The following INPP4B variants were observed in gnomAD, a reference collection of about 807,000 sequenced individuals.
The protein encoded by INPP4B is inositol polyphosphate-4-phosphatase type II B.
Under a neutral mutation model 122.5 loss-of-function variants are expected in INPP4B, and 55 were observed. That is an observed-to-expected ratio of 0.45 (90% CI 0.36 to 0.56). The LOEUF is 0.56. Among genes scored for constraint, INPP4B ranks in the 20% least tolerant of loss-of-function variants. The pLI is 0.00. For synonymous variants in INPP4B, 403 were observed against 388.7 expected (o/e 1.04, Z -0.43); for missense variants, 1,000 against 1,097.7 (o/e 0.91, Z 1.26).
rs1829896220 is a variant in INPP4B, at chr4:142,179,570, A to AAAAAT, written c.1182-5762_1182-5761insATTTT. 4.6e-5 allele frequency among the ~76,000 whole-genome samples: 7 copies of AAAAAT among 152,132 alleles called. No homozygotes were observed. In the South Asian group the frequency reaches 1.0e-3, roughly 23 times the overall value. ...CCATTTATTAGCTCTGTGAAAAAAA[A>AAAAAT]AACATTCATTTTTGCTGAAAATTCC... On this transcript the variant is annotated intron_variant, in intron 15 of 25. Transcript: ENST00000262992.
intron 2 of INPP4B, among the ~76,000 whole-genome samples, chr4:142,637,987 A>T (rs1041043458): frequency 3.9e-5 from 6 of 152,188 alleles, no homozygotes; most frequent in Non-Finnish European, 1.5e-5. Flanking sequence ...TGCCATCTAT[A>T]TATCTTCTTT....
At chr4:142,086,797 A>G (rs1471234954) in intron 23 of INPP4B, among the ~76,000 whole-genome samples, 1 of 152,202 alleles carries the variant, frequency 6.6e-6, no homozygotes, top group East Asian at 1.9e-4. Flanking sequence ...CTATGGTAAT[A>G]TCAAGTGGTC....
intron 7 of INPP4B, among the ~76,000 whole-genome samples, chr4:142,380,628 T>C (rs76575880): frequency 0.024 from 3,643 of 152,248 alleles, 146 homozygotes; most frequent in African/African-American, 0.084. Context: ...TCAGAAAGGC[T>C]ATTAACATAA....
intron 9 of INPP4B, among the ~76,000 whole-genome samples, chr4:142,282,773 C>A (rs182688516): frequency 2.6e-5 from 4 of 152,142 alleles, no homozygotes; most frequent in Admixed American, 2.6e-4. Flanking sequence ...GTTATCCCAG[C>A]CACCTGTGTA....
chr4:142,607,625 A>G (rs183996256), intron 2 of INPP4B, among the ~76,000 whole-genome samples: 186 of 152,260 alleles, frequency 1.2e-3, no homozygotes, highest in African/African-American at 4.3e-3. Context: ...TGTACAAAAC[A>G]AGTTTAAAAT....
intron 7 of INPP4B, 125 bp downstream of exon 7, chr4:142,402,813 A>G (rs1802077465): frequency 1.5e-6 from 1 of 646,454 alleles, no homozygotes; most frequent in Non-Finnish European, 2.8e-6. Flanking sequence ...AACAAACGAT[A>G]AACATAAGAC....
At chr4:142,498,848 G>A (rs987110330) in intron 2 of INPP4B, among the ~76,000 whole-genome samples, 2 of 151,916 alleles carry the variant, frequency 1.3e-5, no homozygotes, top group East Asian at 3.9e-4. Flanking sequence ...ATAATTAATT[G>A]ATTAAAAAAT....
chr4:142,600,455 C>G (rs1285377195), intron 2 of INPP4B, among the ~76,000 whole-genome samples: 3 of 152,142 alleles, frequency 2.0e-5, no homozygotes, highest in Non-Finnish European at 4.4e-5. Flanking sequence ...ACCTGACTTA[C>G]AAGAAATGCT....
At chr4:142,099,361 C>G (rs763874141) in intron 23 of INPP4B, among the ~76,000 whole-genome samples, 1 of 151,970 alleles carries the variant, frequency 6.6e-6, no homozygotes, top group South Asian at 2.1e-4. Context: ...TCAGCCATCT[C>G]GATGTTTCCA....
At chr4:142,517,945 G>A (rs1825616804) in intron 2 of INPP4B, among the ~76,000 whole-genome samples, 1 of 152,014 alleles carries the variant, frequency 6.6e-6, no homozygotes, top group African/African-American at 2.4e-5. Context: ...TGTATGTAGA[G>A]GTAAATTACT....
At chr4:142,469,004 A>T (rs1818328903) in intron 2 of INPP4B, among the ~76,000 whole-genome samples, 1 of 152,170 alleles carries the variant, frequency 6.6e-6, no homozygotes, top group South Asian at 2.1e-4. Flanking sequence ...TGTTAAAATT[A>T]AATCTAATTT....
chr4:142,370,168 A>G (rs1789325911), intron 7 of INPP4B, among the ~76,000 whole-genome samples: 1 of 152,126 alleles, frequency 6.6e-6, no homozygotes, highest in African/African-American at 2.4e-5. Context: ...GCCAATAAAT[A>G]CTCAAACCCA....
Position 142,706,283 on chromosome 4 carries a change from G to A in INPP4B, c.-191+19556C>T, listed in dbSNP as rs1197315271. ...CCCAGAGCACAGCTACATTTGTTTGGCTGCCTGTCTCCCTTTCTGGATTTT... is the reference window on the plus strand; with the variant it reads ...CCCAGAGCACAGCTACATTTGTTTGACTGCCTGTCTCCCTTTCTGGATTTT... On this transcript the variant is annotated intron_variant, in intron 2 of 25. Coordinates refer to ENST00000262992, the MANE Select transcript of INPP4B (RefSeq NM_001101669.3). Among the ~76,000 whole-genome samples, 3 of 152,200 alleles carry A rather than the reference G, an allele frequency of 2.0e-5. No homozygotes were observed. The East Asian group carries it at 5.8e-4, about 29-fold the overall frequency.
chr4:142,273,005 G>T (rs1019284688), intron 9 of INPP4B, among the ~76,000 whole-genome samples: 3 of 151,948 alleles, frequency 2.0e-5, no homozygotes, highest in Non-Finnish European at 2.9e-5. Context: ...CAACAGAAGA[G>T]CTGTGTAATA....
intron 17 of INPP4B, among the ~76,000 whole-genome samples, chr4:142,151,481 TCCTGG>T (rs1813884569): frequency 6.6e-6 from 1 of 152,214 alleles, no homozygotes; most frequent in Admixed American, 6.5e-5. Flanking sequence ...TAAAATTCAC[TCCTGG>T]CCTTATCTGG....
At chr4:142,836,963 C>T (rs940115899) in intron 1 of INPP4B, among the ~76,000 whole-genome samples, 3 of 151,536 alleles carry the variant, frequency 2.0e-5, no homozygotes, top group Non-Finnish European at 2.9e-5. Flanking sequence ...GTCAGGAGTT[C>T]GTAACCAGCC....
At chr4:142,283,360 A>G (rs189174503) in intron 9 of INPP4B, among the ~76,000 whole-genome samples, 1 of 152,142 alleles carries the variant, frequency 6.6e-6, no homozygotes, top group Non-Finnish European at 1.5e-5. Flanking sequence ...GTGTTCAATT[A>G]TCATTAGGTC....
intron 1 of INPP4B, among the ~76,000 whole-genome samples, chr4:142,830,697 T>C (rs1434287566): frequency 1.3e-5 from 2 of 151,912 alleles, no homozygotes; most frequent in East Asian, 1.9e-4. Context: ...AGTTTACCTA[T>C]GCAGAAAGAA....
At chr4:142,199,415 T>C (rs1839756935) in intron 14 of INPP4B, among the ~76,000 whole-genome samples, 1 of 152,006 alleles carries the variant, frequency 6.6e-6, no homozygotes, top group Non-Finnish European at 1.5e-5. Context: ...TGTATATATA[T>C]TCTGGATTAT....
Sources: allele counts gnomAD v4.1 joint callset (sites outside exome capture counted in the v4.1 genomes callset), GRCh38; gene constraint gnomAD v4.1.1; transcripts MANE v1.5; gene names NCBI Gene and HGNC (gene_info 2026-07-23, HGNC 2026-07-21).